Variants in GPM6A observed in about 807,000 individuals in gnomAD.
GPM6A encodes the protein glycoprotein M6A, also known as neuronal membrane glycoprotein M6-a.
A neutral mutation model predicts 32.1 loss-of-function variants in GPM6A; 7 were observed. The observed-to-expected ratio is 0.22, with a 90% CI of 0.12 to 0.41. The LOEUF is 0.41. Ranked by LOEUF, GPM6A falls within the 10% of genes least tolerant of loss-of-function variation. GPM6A has a pLI of 1.00. For synonymous variants in GPM6A, 130 were observed against 123.4 expected (o/e 1.05, Z -0.35); for missense variants, 235 against 347.2 (o/e 0.68, Z 2.57).
At chr4:175,769,282 A>G (rs901364267) in intron 1 of GPM6A, among the ~76,000 whole-genome samples, 1 of 152,182 alleles carries the variant, frequency 6.6e-6, no homozygotes, top group Non-Finnish European at 1.5e-5. Flanking sequence ...GTGAATATGG[A>G]TAAACCACAT....
intron 1 of GPM6A, among the ~76,000 whole-genome samples, chr4:175,926,142 G>A (rs577990440): frequency 4.6e-5 from 7 of 152,150 alleles, no homozygotes; most frequent in African/African-American, 7.2e-5. Context: ...GTGAGCCACC[G>A]TGCCTGGCCA....
At chr4:175,895,078 G>A (rs1227159954) in intron 1 of GPM6A, among the ~76,000 whole-genome samples, 2 of 152,212 alleles carry the variant, frequency 1.3e-5, no homozygotes, top group Admixed American at 6.5e-5. Context: ...GAGAAACCAT[G>A]AATCAGTGAA....
At chr4:175,702,397 A>G (rs1744929678) in intron 1 of GPM6A, among the ~76,000 whole-genome samples, 1 of 152,172 alleles carries the variant, frequency 6.6e-6, no homozygotes, top group Admixed American at 6.6e-5. Flanking sequence ...TTTCCCTACT[A>G]TGCTATCGAA....
At chr4:175,665,712 G>A (rs1017741835) in intron 3 of GPM6A, among the ~76,000 whole-genome samples, 1 of 151,364 alleles carries the variant, frequency 6.6e-6, no homozygotes, top group Admixed American at 6.6e-5. Flanking sequence ...AACCCAGGAG[G>A]TGGAGGTGAC....
intron 1 of GPM6A, among the ~76,000 whole-genome samples, chr4:175,820,318 C>T (rs1479958151): frequency 1.3e-5 from 2 of 152,046 alleles, no homozygotes; most frequent in South Asian, 2.1e-4. Context: ...CATTCCTTTC[C>T]TTATATCTTC....
intron 1 of GPM6A, among the ~76,000 whole-genome samples, chr4:175,737,208 G>A (rs1271761072): frequency 6.6e-6 from 1 of 152,108 alleles, no homozygotes; most frequent in African/African-American, 2.4e-5. Flanking sequence ...AGTCCATTTA[G>A]CATTGCTATA....
chr4:175,842,216 A>G (rs1735958778), intron 1 of GPM6A, among the ~76,000 whole-genome samples: 1 of 152,150 alleles, frequency 6.6e-6, no homozygotes, highest in Non-Finnish European at 1.5e-5. Context: ...CTAAATTTAA[A>G]TGATTCTCCA....
At chr4:176,000,651 C>T (rs139320240) in intron 1 of GPM6A, among the ~76,000 whole-genome samples, 27 of 152,248 alleles carry the variant, frequency 1.8e-4, no homozygotes, top group Admixed American at 1.7e-3. Context: ...AATGAATAGA[C>T]TACATCAAGT....
At chr4:175,639,128 T>C (rs903958164) in intron 6 of GPM6A, among the ~76,000 whole-genome samples, 2 of 152,156 alleles carry the variant, frequency 1.3e-5, no homozygotes, top group Non-Finnish European at 2.9e-5. Flanking sequence ...ATGTTAGTAC[T>C]GACATAGTTT....
intron 1 of GPM6A, among the ~76,000 whole-genome samples, chr4:175,721,132 AATATATATATATTCTAAT>A (rs1309717441): frequency 1.6e-5 from 2 of 124,160 alleles, no homozygotes; most frequent in African/African-American, 2.6e-5. Flanking sequence ...TTTTAAAAAG[AATATATATATATTCTAAT>A]ATATATATAT....
Position 175,965,196 on chromosome 4 carries a change from A to T in GPM6A, c.-23+37113T>A, listed in dbSNP as rs541692339. ...AAACACATCTTAATAAATTTAAAAG[A>T]ATAGAAAGCAAACAAAGTATGCTCT... On this transcript the variant is annotated intron_variant, in intron 1 of 7. Transcript: ENST00000280187. 1.1e-4 allele frequency among the ~76,000 whole-genome samples: 17 copies of T among 152,332 alleles called. No individual in the cohort carries two copies. In the East Asian group the frequency reaches 3.3e-3, roughly 29 times the overall value.
chr4:175,930,145 C>T (rs1381303616), intron 1 of GPM6A, among the ~76,000 whole-genome samples: 4 of 151,998 alleles, frequency 2.6e-5, no homozygotes, highest in African/African-American at 9.7e-5. Context: ...TAATGTTAGT[C>T]ATCAAACATA....
chr4:175,962,095 C>T, intron 1 of GPM6A: 3 of 746,428 alleles, frequency 4.0e-6, no homozygotes, highest in Non-Finnish European at 7.5e-6. Flanking sequence ...TTTGGCCCTA[C>T]AATAGTAGCC....
At chr4:175,892,965 T>C (rs1328620912) in intron 1 of GPM6A, among the ~76,000 whole-genome samples, 2 of 152,218 alleles carry the variant, frequency 1.3e-5, no homozygotes, top group African/African-American at 4.8e-5. Context: ...TCCCAGTGAC[T>C]AGACAGTTGG....
intron 1 of GPM6A, among the ~76,000 whole-genome samples, chr4:175,992,678 C>T (rs1252173150): frequency 3.9e-5 from 6 of 152,126 alleles, no homozygotes; most frequent in Non-Finnish European, 7.4e-5. Context: ...TCTGTTGATT[C>T]ATTTCACAGT....
At chr4:175,929,214 C>A (rs1579636226) in intron 1 of GPM6A, among the ~76,000 whole-genome samples, 1 of 152,222 alleles carries the variant, frequency 6.6e-6, no homozygotes, top group Non-Finnish European at 1.5e-5. Context: ...AATTTTAGAA[C>A]TCTAATTACT....
intron 1 of GPM6A, among the ~76,000 whole-genome samples, chr4:175,763,924 G>T (rs910425769): frequency 5.3e-5 from 8 of 152,050 alleles, no homozygotes; most frequent in Admixed American, 5.2e-4. Flanking sequence ...TACTTTTTAT[G>T]CAGTTATCAG....
chr4:175,856,395 A>G (rs1203063120), intron 1 of GPM6A, among the ~76,000 whole-genome samples: 4 of 152,186 alleles, frequency 2.6e-5, no homozygotes, highest in Non-Finnish European at 5.9e-5. Flanking sequence ...TGCAGGAGCC[A>G]TGGCAAGTGC....
intron 2 of GPM6A, among the ~76,000 whole-genome samples, chr4:175,689,746 C>T (rs1579388077): frequency 6.6e-6 from 1 of 152,164 alleles, no homozygotes; most frequent in Admixed American, 6.6e-5. Flanking sequence ...TTTCTCCCTT[C>T]GGGTCTGTCA....
Sources: allele counts gnomAD v4.1 joint callset (sites outside exome capture counted in the v4.1 genomes callset), GRCh38; gene constraint gnomAD v4.1.1; transcripts MANE v1.5; gene names NCBI Gene and HGNC (gene_info 2026-07-23, HGNC 2026-07-21).